Variants in SH3D19 observed in about 807,000 individuals in gnomAD.
The protein encoded by SH3D19 is SH3 domain-containing protein 19.
In SH3D19, 58 loss-of-function variants were observed where a neutral mutation model predicts 112.1. The ratio of observed to expected loss-of-function variants is 0.52; its 90% CI spans 0.42 to 0.64. The LOEUF (loss-of-function observed/expected upper bound fraction) is 0.64, where lower values mean the gene tolerates loss of function less well. Ranked by LOEUF, SH3D19 falls within the 30% of genes least tolerant of loss-of-function variation. SH3D19 has a pLI of 0.00. For missense variants in SH3D19, 1,090 were observed against 1,263.4 expected (o/e 0.86, Z 2.08); for synonymous variants, 391 against 448.5 (o/e 0.87, Z 1.62).
chr4:151,150,322 CATATATAT>C, intron 9 of SH3D19, among the ~76,000 whole-genome samples: 1 of 123,780 alleles, frequency 8.1e-6, no homozygotes, highest in Middle Eastern at 4.5e-3. Context: ...TATATATATA[CATATATAT>C]ATATATACAC....
chr4:151,250,993 T>C (rs1269078586), intron 1 of SH3D19, among the ~76,000 whole-genome samples: 2 of 152,128 alleles, frequency 1.3e-5, no homozygotes, highest in Non-Finnish European at 2.9e-5. Flanking sequence ...AGAATACTCC[T>C]GAGAAGCCCT....
At chr4:151,300,106 CAGG>C (rs1728232049) in intron 1 of SH3D19, among the ~76,000 whole-genome samples, 1 of 151,958 alleles carries the variant, frequency 6.6e-6, no homozygotes, top group East Asian at 1.9e-4. Context: ...GAGGCTGAGG[CAGG>C]AGAATTGCTT....
intron 8 of SH3D19, 77 bp from the exon 9 acceptor site, chr4:151,159,429 T>C: frequency 1.2e-6 from 1 of 866,698 alleles, no homozygotes; most frequent in East Asian, 2.9e-5. Flanking sequence ...GCTGCTTAGT[T>C]TATTAGAAAA....
intron 1 of SH3D19, among the ~76,000 whole-genome samples, chr4:151,270,294 A>G (rs536014173): frequency 1.3e-5 from 2 of 152,158 alleles, no homozygotes; most frequent in East Asian, 3.9e-4. Context: ...TGAATGGTTT[A>G]TTACCATCCT....
intron 2 of SH3D19, among the ~76,000 whole-genome samples, chr4:151,198,288 C>T (rs1763783957): frequency 7.1e-6 from 1 of 141,100 alleles, no homozygotes; most frequent in Admixed American, 7.7e-5. Flanking sequence ...ATGGGTGACA[C>T]AGCGAGACTC....
chr4:151,225,216 A>T lies in SH3D19; in HGVS notation c.152+831T>A, dbSNP rs546929092. 3.3e-5 allele frequency among the ~76,000 whole-genome samples: 5 copies of T among 152,358 alleles called. No homozygotes were observed. In the South Asian group the frequency reaches 1.0e-3, roughly 32 times the overall value. Reference sequence around the variant, plus strand: ...GCTTACCAGAGCAGTCAATCCAATGAGTACATTACTTTAACAATTCCCACA... The same window carrying T: ...GCTTACCAGAGCAGTCAATCCAATGTGTACATTACTTTAACAATTCCCACA... On this transcript the variant is annotated intron_variant, in intron 2 of 19. Coordinates refer to ENST00000604030, the MANE Select transcript of SH3D19 (RefSeq NM_001378122.1).
rs1238617742 is a variant in SH3D19 at position 151,133,101 on chromosome 4, A to G, written c.2622T>C (p.Thr874=). 2.5e-6 allele frequency: 4 copies of G among 1,614,056 alleles called. No individual in the cohort carries two copies. The highest frequency in any genetic ancestry group is 1.7e-6 in the Non-Finnish European group (2 of 1,179,990). The change falls in exon 16 of 20, where the codon ACT becomes ACC. Residue 874 remains threonine, a synonymous_variant. Coordinates refer to ENST00000604030, the MANE Select transcript of SH3D19 (RefSeq NM_001378122.1). ...EWARGEVRGR[T]GIFPLNFVEP... ...CCACAAAGTTCAGGGGGAAAATCCC[A>G]GTTCTGCCTCGAACTTCTCCTCTGG...
At chr4:151,183,285 C>T (rs1186699000) in intron 3 of SH3D19, among the ~76,000 whole-genome samples, 3 of 152,144 alleles carry the variant, frequency 2.0e-5, no homozygotes, top group African/African-American at 7.2e-5. Flanking sequence ...AGCCACAGTG[C>T]CTGGCCTATT....
At chr4:151,219,777 C>T (rs1225433242) in intron 2 of SH3D19, among the ~76,000 whole-genome samples, 1 of 152,106 alleles carries the variant, frequency 6.6e-6, no homozygotes, top group Non-Finnish European at 1.5e-5. Context: ...CACATGCTTC[C>T]GATGTATTCA....
chr4:151,202,023 AAAAG>A (rs1764468692), intron 2 of SH3D19, among the ~76,000 whole-genome samples: 1 of 151,508 alleles, frequency 6.6e-6, no homozygotes, highest in Non-Finnish European at 1.5e-5. Context: ...AAAAAAAAAA[AAAAG>A]AAAGAAAATA....
At chr4:151,126,286 A>G (rs956151991) in intron 19 of SH3D19, among the ~76,000 whole-genome samples, 1 of 152,208 alleles carries the variant, frequency 6.6e-6, no homozygotes, top group Non-Finnish European at 1.5e-5. Context: ...GTTTTAAACC[A>G]CACCTTGTCC....
chr4:151,316,713 C>G (rs1390320613), intron 1 of SH3D19, among the ~76,000 whole-genome samples: 1 of 151,898 alleles, frequency 6.6e-6, no homozygotes, highest in Non-Finnish European at 1.5e-5. Flanking sequence ...AGCTCCTACC[C>G]TCACCCCCAT....
chr4:151,314,781 G>A (rs1003421995), intron 1 of SH3D19, among the ~76,000 whole-genome samples: 1 of 152,116 alleles, frequency 6.6e-6, no homozygotes, highest in Non-Finnish European at 1.5e-5. Context: ...GGGACTGCAG[G>A]GCCATCTATT....
chr4:151,301,415 C>G (rs1728411067), intron 1 of SH3D19, among the ~76,000 whole-genome samples: 1 of 152,160 alleles, frequency 6.6e-6, no homozygotes, highest in East Asian at 1.9e-4. Flanking sequence ...TTAGTAGAGA[C>G]AGGATTTCTC....
At chr4:151,163,199 T>G (rs1377567953) in intron 8 of SH3D19, among the ~76,000 whole-genome samples, 1 of 152,230 alleles carries the variant, frequency 6.6e-6, no homozygotes, top group Non-Finnish European at 1.5e-5. Context: ...TCCTCCAGAC[T>G]TCACCACATT....
chr4:151,204,527 C>T lies in SH3D19; in HGVS notation c.153-17064G>A, dbSNP rs575393700. Reference sequence around the variant, plus strand: ...TGTCTAGCAAAATGCTTTTCACACACAATAAATATCTTTTGAATGTAAGTG... The same window carrying T: ...TGTCTAGCAAAATGCTTTTCACACATAATAAATATCTTTTGAATGTAAGTG... On this transcript the variant is annotated intron_variant, in intron 2 of 19. Transcript: ENST00000604030. 2.0e-5 allele frequency among the ~76,000 whole-genome samples: 3 copies of T among 151,452 alleles called. No homozygotes were observed. In the East Asian group the frequency reaches 5.9e-4, roughly 30 times the overall value.
intron 11 of SH3D19, among the ~76,000 whole-genome samples, chr4:151,147,400 C>T (rs1470336059): frequency 6.6e-6 from 1 of 152,204 alleles, no homozygotes; most frequent in Non-Finnish European, 1.5e-5. Context: ...GCGGCCTGCC[C>T]TGCTTTCTCT....
intron 1 of SH3D19, among the ~76,000 whole-genome samples, chr4:151,308,391 C>T (rs1729125415): frequency 6.6e-6 from 1 of 152,184 alleles, no homozygotes; most frequent in Admixed American, 6.5e-5. Flanking sequence ...ACCCTCTTTC[C>T]ATTCTGAGAA....
At position 151,175,261 on chromosome 4, in the gene SH3D19, G is replaced by C; in HGVS notation, c.943C>G (p.Pro315Ala). The change falls in exon 7 of 20, where the codon CCA becomes GCA. Residue 315 changes from proline (P) to alanine (A), a missense_variant. Coordinates refer to ENST00000604030, the MANE Select transcript of SH3D19 (RefSeq NM_001378122.1). ...NIETSGLPKK[P>A]EITPRSLPPK... is the part of the protein sequence containing the mutation. Reference sequence around the variant, plus strand: ...GGAAGTGAACGTGGAGTAATTTCTGGTTTCTTGGGCAGTCCTGAGGTTTCT... The same window carrying C: ...GGAAGTGAACGTGGAGTAATTTCTGCTTTCTTGGGCAGTCCTGAGGTTTCT... 1 of 1,614,132 alleles carries C rather than the reference G, an allele frequency of 6.2e-7. No homozygotes were observed. Among genetic ancestry groups the C allele is most frequent in the Non-Finnish European group, 8.5e-7 (1 of 1,180,012 alleles).
Sources: gnomAD v4.1 joint callset for allele counts (sites outside exome capture counted in the v4.1 genomes callset) on GRCh38, gnomAD v4.1.1 for gene constraint, MANE v1.5 for transcripts, NCBI Gene and HGNC (gene_info 2026-07-23, HGNC 2026-07-21) for gene names.